Variants in RORA observed in about 807,000 individuals in gnomAD.
The protein encoded by RORA is RAR related orphan receptor A.
A neutral mutation model predicts 69.5 loss-of-function variants in RORA; 7 were observed. The ratio of observed to expected loss-of-function variants is 0.10; its 90% CI spans 0.06 to 0.19. RORA has a LOEUF of 0.19. Ranked by LOEUF, RORA falls within the 10% of genes least tolerant of loss-of-function variation. The pLI is 1.00. For synonymous variants in RORA, 261 were observed against 240.8 expected, an observed-to-expected ratio of 1.08 and a Z score of -0.78; for missense variants, 457 against 663.0, an observed-to-expected ratio of 0.69 and a Z score of 3.41.
intron 1 of RORA, among the ~76,000 whole-genome samples, chr15:60,811,152 C>A (rs2072737983): frequency 6.6e-6 from 1 of 152,170 alleles, no homozygotes; most frequent in African/African-American, 2.4e-5. Flanking sequence ...TTTCACACTA[C>A]CCAAAGGATA....
chr15:61,206,019 G>A (rs980950455), intron 1 of RORA, among the ~76,000 whole-genome samples: 9 of 152,160 alleles, frequency 5.9e-5, no homozygotes, highest in Admixed American at 3.9e-4. Flanking sequence ...GCTTCCTAAA[G>A]ACGCAGTGAG....
At chr15:60,954,949 T>C (rs1893223052) in intron 1 of RORA, among the ~76,000 whole-genome samples, 1 of 152,174 alleles carries the variant, frequency 6.6e-6, no homozygotes, top group African/African-American at 2.4e-5. Flanking sequence ...ACTGGGCATT[T>C]TTCTCCAGTT....
intron 1 of RORA, among the ~76,000 whole-genome samples, chr15:60,949,154 AC>A (rs1454218630): frequency 1.3e-5 from 2 of 152,050 alleles, no homozygotes; most frequent in African/African-American, 4.8e-5. Context: ...ACCTTGTTAC[AC>A]CCAGTAGCAC....
At chr15:60,865,271 T>C (rs1205275488) in intron 1 of RORA, among the ~76,000 whole-genome samples, 3 of 152,212 alleles carry the variant, frequency 2.0e-5, no homozygotes, top group Non-Finnish European at 4.4e-5. Flanking sequence ...ACCTGTTTCC[T>C]CATCTATCAA....
At chr15:60,529,071 A>G (rs2066452026) in intron 3 of RORA, 1 of 152,256 alleles carries the variant, frequency 6.6e-6, no homozygotes, top group Admixed American at 6.5e-5. Flanking sequence ...CTATGTGCCA[A>G]AATAATTATT....
At chr15:60,594,930 T>C (rs2068633369) in intron 2 of RORA, among the ~76,000 whole-genome samples, 1 of 152,256 alleles carries the variant, frequency 6.6e-6, no homozygotes, top group Non-Finnish European at 1.5e-5. Context: ...TAGATGCTAT[T>C]TGTAATACAT....
intron 1 of RORA, among the ~76,000 whole-genome samples, chr15:61,035,961 G>T (rs530074872): frequency 6.6e-6 from 1 of 152,278 alleles, no homozygotes; most frequent in South Asian, 2.1e-4. Flanking sequence ...AAGAGGGAAT[G>T]GTATGTGGAA....
At chr15:60,735,534 C>A (rs1293432799) in intron 1 of RORA, among the ~76,000 whole-genome samples, 1 of 151,512 alleles carries the variant, frequency 6.6e-6, no homozygotes, top group African/African-American at 2.4e-5. Flanking sequence ...TGCTGAGAGC[C>A]TACCACCTTT....
At chr15:60,834,847 C>T (rs532467418) in intron 1 of RORA, among the ~76,000 whole-genome samples, 1 of 152,252 alleles carries the variant, frequency 6.6e-6, no homozygotes, top group East Asian at 1.9e-4. Flanking sequence ...TCCCCTTTTC[C>T]CCTCTCACAC....
intron 1 of RORA, among the ~76,000 whole-genome samples, chr15:60,750,625 G>T (rs979099260): frequency 6.6e-6 from 1 of 152,114 alleles, no homozygotes; most frequent in Non-Finnish European, 1.5e-5. Context: ...CAAGGAGAGA[G>T]GACATCAAAC....
intron 1 of RORA, among the ~76,000 whole-genome samples, chr15:60,994,944 AAG>A (rs1230964173): frequency 2.0e-5 from 3 of 152,192 alleles, no homozygotes; most frequent in African/African-American, 7.2e-5. Flanking sequence ...AAGGGAAAGA[AAG>A]AGAAGAAAAT....
At chr15:61,126,595 T>C (rs542862114) in intron 1 of RORA, among the ~76,000 whole-genome samples, 177 of 152,324 alleles carry the variant, frequency 1.2e-3, no homozygotes, top group Non-Finnish European at 2.3e-3. Flanking sequence ...AGAGTTGTAA[T>C]TAACAAGCTA....
chr15:60,569,393 C>T (rs1246087512), intron 2 of RORA, among the ~76,000 whole-genome samples: 1 of 151,910 alleles, frequency 6.6e-6, no homozygotes, highest in Non-Finnish European at 1.5e-5. Context: ...GGCAACACTG[C>T]ACTCCAGCCT....
chr15:60,912,665 A>C lies in RORA; in HGVS notation c.167-233979T>G, dbSNP rs543006190. Among the ~76,000 whole-genome samples the C allele has an allele frequency of 5.3e-5, 8 of 152,204 alleles. No homozygotes were observed. The East Asian group carries it at 1.4e-3, about 26-fold the overall frequency. On this transcript the variant is annotated intron_variant, in intron 1 of 10. Transcript: ENST00000335670. ...GCTCCTCAGGAGGCTGAGGCAGGAG[A>C]ATGGCAGGAACCCGGGCGGCGGAGC...
intron 1 of RORA, chr15:60,764,814 A>G (rs934137478): frequency 2.0e-5 from 3 of 152,194 alleles, no homozygotes; most frequent in Non-Finnish European, 4.4e-5. Context: ...TGCCAACCAC[A>G]TTGCTTTATG....
intron 1 of RORA, among the ~76,000 whole-genome samples, chr15:61,228,298 G>A (rs984700334): frequency 1.3e-5 from 2 of 152,116 alleles, no homozygotes; most frequent in African/African-American, 4.8e-5. Context: ...CACGCCCCCC[G>A]CCAGCCTGGG....
At chr15:60,592,863 C>A (rs1431153419) in intron 2 of RORA, 1 of 466,580 alleles carries the variant, frequency 2.1e-6, no homozygotes, top group East Asian at 7.0e-5. Flanking sequence ...CGCCTCTGAC[C>A]ACTTTCTGCC....
At chr15:60,954,521 T>C (rs190970419) in intron 1 of RORA, among the ~76,000 whole-genome samples, 2 of 152,070 alleles carry the variant, frequency 1.3e-5, no homozygotes, top group Admixed American at 6.5e-5. Context: ...AATTGTCTTA[T>C]GGAGGTCTGT....
chr15:60,515,257 C>T (rs887887167), intron 3 of RORA, among the ~76,000 whole-genome samples: 1 of 152,208 alleles, frequency 6.6e-6, no homozygotes, highest in Non-Finnish European at 1.5e-5. Flanking sequence ...GCCCTTTAGG[C>T]GTTTCTCACT....
Sources: gnomAD v4.1 joint callset for allele counts (sites outside exome capture counted in the v4.1 genomes callset) on GRCh38, gnomAD v4.1.1 for gene constraint, MANE v1.5 for transcripts, NCBI Gene and HGNC (gene_info 2026-07-23, HGNC 2026-07-21) for gene names.